ANGEL2: variants seen among roughly 807,000 people sequenced by gnomAD.
ANGEL2 encodes angel homolog 2.
ANGEL2 carries 41 observed loss-of-function variants against 66.0 expected under a neutral mutation model. The observed-to-expected ratio is 0.62, with a 90% CI of 0.48 to 0.81. The LOEUF (loss-of-function observed/expected upper bound fraction) is 0.81, where lower values mean the gene tolerates loss of function less well. Ranked by LOEUF, ANGEL2 falls within the 30% of genes least tolerant of loss-of-function variation. The pLI, the probability that ANGEL2 is intolerant of heterozygous loss-of-function variation, is 0.00. For missense variants in ANGEL2, 561 were observed against 641.6 expected, an observed-to-expected ratio of 0.87 and a Z score of 1.36; for synonymous variants, 208 against 226.5, an observed-to-expected ratio of 0.92 and a Z score of 0.73.
At chr1:213,011,283 T>C in intron 2 of ANGEL2, 1 of 1,284,940 alleles carries the variant, frequency 7.8e-7, no homozygotes, top group South Asian at 1.3e-5. Context: ...ATAGGCCTGA[T>C]CAGGTTTTTA....
At chr1:213,008,537 ATTT>A in intron 2 of ANGEL2, 71 bp from the exon 3 acceptor site, 1 of 1,514,532 alleles carries the variant, frequency 6.6e-7, no homozygotes, top group South Asian at 1.3e-5. Context: ...ACATATATGT[ATTT>A]TTCAGCCTCT....
In ANGEL2 at chr1:213,008,209, C is replaced by A; in HGVS notation, c.642+1G>T. The A allele has an allele frequency of 6.2e-7, 1 of 1,611,956 alleles. No homozygotes were observed. Among genetic ancestry groups the A allele is most frequent in the South Asian group, 1.1e-5 (1 of 90,718 alleles). ...GAATTTCAATAATATTTTGCACTTA[C>A]GTCTGCATCAAAATGTTTAATTTCT... On this transcript the variant is annotated splice_donor_variant, in intron 3 of 8. Coordinates refer to ENST00000366962, the MANE Select transcript of ANGEL2 (RefSeq NM_144567.5). LOFTEE classifies it high-confidence loss of function.
intron 5 of ANGEL2, chr1:213,001,131 A>G (rs557576199): frequency 2.0e-5 from 10 of 491,858 alleles, no homozygotes; most frequent in African/African-American, 1.8e-4. Context: ...TTTTTCCCAT[A>G]CATGCTTTTC....
At chr1:212,995,829 A>G (rs1197976631) in intron 8 of ANGEL2, among the ~76,000 whole-genome samples, 1 of 152,208 alleles carries the variant, frequency 6.6e-6, no homozygotes, top group Non-Finnish European at 1.5e-5. Context: ...GGGGGGAACA[A>G]ACAGAGGGGA....
intron 5 of ANGEL2, chr1:213,001,707 A>C (rs2076182675): frequency 6.6e-6 from 1 of 152,174 alleles, no homozygotes; most frequent in Non-Finnish European, 1.5e-5. Context: ...CCAATGTTTT[A>C]TCAATTAAAT....
chr1:212,994,989 C>G lies in ANGEL2; in HGVS notation c.*52G>C. The G allele has an allele frequency of 6.5e-7, 1 of 1,528,082 alleles. No individual in the cohort carries two copies. Among genetic ancestry groups the G allele is most frequent in the South Asian group, 1.3e-5 (1 of 76,898 alleles). 94.7% of individuals were successfully genotyped at this position (1,528,082 alleles called of 1,614,324 possible). A position where few individuals can be genotyped will look rare whatever the true frequency, so the allele number is the denominator to read the frequency against. On this transcript the variant is annotated 3_prime_UTR_variant, in exon 9 of 9. Transcript: ENST00000366962. ...TGCATACACTTAAGAACTTTACATT[C>G]TTTGAAAAACAATACAAATTGGAAA...
intron 4 of ANGEL2, among the ~76,000 whole-genome samples, chr1:213,005,701 CTT>C (rs371348931): frequency 3.1e-4 from 47 of 152,292 alleles, no homozygotes; most frequent in Admixed American, 1.4e-3. Flanking sequence ...CCTAGTAAAA[CTT>C]AGTCATGGCA....
Position 213,013,293 on chromosome 1 carries a change from G to A in ANGEL2, c.185C>T (p.Ser62Phe). 1 of 1,614,190 alleles carries A rather than the reference G, an allele frequency of 6.2e-7. No homozygotes were observed. Residue 62 changes from serine (S) to phenylalanine (F), a missense_variant, in exon 2 of 9, where the codon TCT becomes TTT. Coordinates refer to ENST00000366962, the MANE Select transcript of ANGEL2 (RefSeq NM_144567.5). ...ACTGAAGTATGGGTAAGGAGCTCGA[G>A]AGTAATGTCCAGGCCACCTCATACA... ...SSCMRWPGHY[S>F]RAPYPYFSSR...
At chr1:213,015,556 C>G (rs960522680) in intron 1 of ANGEL2, 57 bp downstream of exon 1, 5 of 1,603,954 alleles carry the variant, frequency 3.1e-6, no homozygotes, top group East Asian at 2.3e-5. Flanking sequence ...GACGCCCGCC[C>G]GCTCTTTCAG....
chr1:213,005,095 A>C lies in ANGEL2; in HGVS notation c.1072T>G (p.Ser358Ala). Residue 358 changes from serine (S) to alanine (A), a missense_variant, in exon 5 of 9, where the codon TCT (serine) becomes GCT (alanine). By Grantham distance (99) the Ser-to-Ala change is moderately conservative. Coordinates refer to ENST00000366962, the MANE Select transcript of ANGEL2 (RefSeq NM_144567.5). ...MCGDFNSVPG[S>A]PLYSFIKEGK... ...TCCTTTATGAAACTATATAGTGGAG[A>C]ACCAGGAACAGAATTAAAGTCACCA... 1 of 1,611,678 alleles carries C rather than the reference A, an allele frequency of 6.2e-7. No individual in the cohort carries two copies. Among genetic ancestry groups the C allele is most frequent in the Non-Finnish European group, 8.5e-7 (1 of 1,179,256 alleles).
intron 7 of ANGEL2, among the ~76,000 whole-genome samples, chr1:212,998,508 A>G (rs1375008793): frequency 6.6e-6 from 1 of 151,856 alleles, no homozygotes; most frequent in Non-Finnish European, 1.5e-5. Context: ...ACATAAAGAT[A>G]CAAAAAAGTA....
chr1:212,996,492 C>T (rs968611760), intron 8 of ANGEL2, among the ~76,000 whole-genome samples: 3 of 150,648 alleles, frequency 2.0e-5, no homozygotes, highest in African/African-American at 7.3e-5. Flanking sequence ...CATGGTGGCT[C>T]ATGCCTGTAG....
chr1:212,999,327 T>C (rs1042434433), intron 7 of ANGEL2, among the ~76,000 whole-genome samples: 1 of 152,230 alleles, frequency 6.6e-6, no homozygotes, highest in African/African-American at 2.4e-5. Context: ...ATCTTTTTTA[T>C]ATCCTATATT....
At position 212,993,370 on chromosome 1, in the gene ANGEL2, C is replaced by G. The variant is rs1213649773; in HGVS notation, c.*1671G>C. On this transcript the variant is annotated 3_prime_UTR_variant, in exon 9 of 9. Transcript: ENST00000366962. ...TTAAATATTTAAACATATTCAATTA[C>G]AATTTTTACTAGACAAATCTTATAA... The G allele has an allele frequency of 6.6e-6, 1 of 152,138 alleles. No homozygotes were observed. Among genetic ancestry groups the G allele is most frequent in the Non-Finnish European group, 1.5e-5 (1 of 68,018 alleles). 9.4% of individuals were successfully genotyped at this position (152,138 alleles called of 1,614,324 possible). A position where few individuals can be genotyped will look rare whatever the true frequency, so the allele number is the denominator to read the frequency against.
chr1:213,015,515 G>GCCCCCCCC, intron 1 of ANGEL2, 98 bp downstream of exon 1: 1 of 1,244,584 alleles, frequency 8.0e-7, no homozygotes. Context: ...TCCACCCCTA[G>GCCCCCCCC]CCCGCCCCGC....
intron 1 of ANGEL2, 105 bp downstream of exon 1, chr1:213,015,508 A>AC (rs2076620884): frequency 2.1e-6 from 3 of 1,451,930 alleles, no homozygotes; most frequent in Non-Finnish European, 2.7e-6. Context: ...TCTTCCTTCC[A>AC]CCCCTAGCCC....
intron 1 of ANGEL2, 106 bp downstream of exon 1, chr1:213,015,507 C>CA: frequency 6.6e-7 from 1 of 1,508,510 alleles, no homozygotes; most frequent in Non-Finnish European, 8.9e-7. Flanking sequence ...CTCTTCCTTC[C>CA]ACCCCTAGCC....
At position 213,005,241 on chromosome 1, in the gene ANGEL2, G is replaced by T. The variant is rs143448361; in HGVS notation, c.926C>A (p.Thr309Lys). 6.2e-7 allele frequency: 1 copy of T among 1,614,200 alleles called. No homozygotes were observed. The highest frequency in any genetic ancestry group is 1.7e-5 in the Admixed American group (1 of 60,024). Residue 309 changes from threonine (T) to lysine (K), a missense_variant, in exon 5 of 9, where the codon ACG becomes AAG. Coordinates refer to ENST00000366962, the MANE Select transcript of ANGEL2 (RefSeq NM_144567.5). ...TCGCCTTGGATTATACAACAGATGC[G>T]TATTTGCTACGCAGATTGCAGGGCA... is the stretch of plus-strand genomic sequence containing the variant. ...AACPAICVAN[T>K]HLLYNPRRGD...
chr1:212,996,458 C>T (rs1211111979), intron 8 of ANGEL2, among the ~76,000 whole-genome samples: 1 of 150,342 alleles, frequency 6.7e-6, no homozygotes, highest in Non-Finnish European at 1.5e-5. Flanking sequence ...CCTGTCTCTA[C>T]AAAAAATACA....
Sources: allele counts gnomAD v4.1 joint callset (sites outside exome capture counted in the v4.1 genomes callset), GRCh38; gene constraint gnomAD v4.1.1; transcripts MANE v1.5; gene names NCBI Gene and HGNC (gene_info 2026-07-23, HGNC 2026-07-21).